The following DLEU7 variants were observed in gnomAD, a reference collection of about 807,000 sequenced individuals.
DLEU7 encodes the protein deleted in lymphocytic leukemia 7, also known as leukemia-associated protein 7.
DLEU7 carries 17 observed loss-of-function variants against 16.0 expected under a neutral mutation model. The ratio of observed to expected loss-of-function variants is 1.06; its 90% CI spans 0.73 to 1.59. The LOEUF is 1.59. Among genes scored for constraint, DLEU7 ranks in the 40% most tolerant of loss-of-function variants. DLEU7 has a pLI of 0.00. For missense variants in DLEU7, 308 were observed against 314.9 expected (o/e 0.98, Z 0.17); for synonymous variants, 113 against 139.8 (o/e 0.81, Z 1.35).
intron 1 of DLEU7, among the ~76,000 whole-genome samples, chr13:50,815,737 TACA>T (rs1414490499): frequency 6.6e-6 from 1 of 152,148 alleles, no homozygotes; most frequent in Non-Finnish European, 1.5e-5. Flanking sequence ...GATTTAATGG[TACA>T]ACATTTTCCC....
At chr13:50,766,062 C>G (rs529916835) in intron 1 of DLEU7, among the ~76,000 whole-genome samples, 1 of 152,298 alleles carries the variant, frequency 6.6e-6, no homozygotes, top group South Asian at 2.1e-4. Flanking sequence ...ATGCGTGTAG[C>G]TTTGCCTCAG....
intron 1 of DLEU7, among the ~76,000 whole-genome samples, chr13:50,742,798 G>A (rs1874287082): frequency 6.6e-6 from 1 of 152,178 alleles, no homozygotes. Context: ...AGCAGCCAGA[G>A]ACAGTACATC....
rs567989215 is a variant in DLEU7, at chr13:50,732,714, CTTT to C, written c.460-19477_460-19475del. 2.9e-4 allele frequency among the ~76,000 whole-genome samples: 43 copies of C among 150,354 alleles called. 2 individuals carry two copies. In the South Asian group the frequency reaches 7.4e-3, roughly 26 times the overall value. The stretch of plus-strand genomic sequence containing the variant: ...AAAATGATCACACTATGTTAAATTT[CTTT>C]GAGTCCTTTTTTTAAAATTCAAAAT... On this transcript the variant is annotated intron_variant, in intron 1 of 1. Transcript: ENST00000400393.
At chr13:50,802,247 GA>G (rs1475349673) in intron 1 of DLEU7, among the ~76,000 whole-genome samples, 2 of 148,996 alleles carry the variant, frequency 1.3e-5, no homozygotes, top group Admixed American at 6.7e-5. Flanking sequence ...GATTTCAATA[GA>G]AACCCAACTG....
downstream of DLEU7, among the ~76,000 whole-genome samples, chr13:50,821,695 A>G (rs1301487709): frequency 6.6e-6 from 1 of 151,538 alleles, no homozygotes; most frequent in East Asian, 1.9e-4. Flanking sequence ...AAGCACAGAC[A>G]GAAAATAAAA....
At chr13:50,775,798 G>A (rs565148117) in intron 1 of DLEU7, among the ~76,000 whole-genome samples, 35 of 152,304 alleles carry the variant, frequency 2.3e-4, no homozygotes, top group Non-Finnish European at 4.6e-4. Context: ...GTTTACAATA[G>A]CTATTGGCAG....
intron 1 of DLEU7, among the ~76,000 whole-genome samples, chr13:50,756,984 C>G (rs1874781284): frequency 6.6e-6 from 1 of 152,182 alleles, no homozygotes; most frequent in Non-Finnish European, 1.5e-5. Context: ...ATTAAGCCTT[C>G]TTTTATTTAC....
intron 1 of DLEU7, among the ~76,000 whole-genome samples, chr13:50,713,727 T>C (rs979467044): frequency 1.3e-5 from 2 of 152,190 alleles, no homozygotes; most frequent in Non-Finnish European, 2.9e-5. Context: ...ATTCAGTTAA[T>C]AGGTACTGAT....
At chr13:50,808,998 G>A (rs964312594) in intron 1 of DLEU7, among the ~76,000 whole-genome samples, 1 of 152,006 alleles carries the variant, frequency 6.6e-6, no homozygotes, top group Non-Finnish European at 1.5e-5. Context: ...AAATCATTGC[G>A]TTGAGGACAT....
At chr13:50,757,624 G>A (rs2169445) in intron 1 of DLEU7, among the ~76,000 whole-genome samples, 5,042 of 152,210 alleles carry the variant, frequency 0.033, 172 homozygotes, top group African/African-American at 0.09. Flanking sequence ...TACTGCAATC[G>A]ATTTCTATTT....
At chr13:50,835,583 C>G (rs963137008) in intron 1 of DLEU7, among the ~76,000 whole-genome samples, 2 of 152,190 alleles carry the variant, frequency 1.3e-5, no homozygotes, top group Admixed American at 6.5e-5. Flanking sequence ...GAGAGCTTGG[C>G]TATTTGAAAG....
At chr13:50,812,352 C>T (rs1028986646) in intron 1 of DLEU7, among the ~76,000 whole-genome samples, 3 of 152,114 alleles carry the variant, frequency 2.0e-5, no homozygotes, top group Non-Finnish European at 4.4e-5. Context: ...AGACCTCCGG[C>T]GAAGATGCAT....
chr13:50,791,424 C>CCA (rs998237365), intron 1 of DLEU7, among the ~76,000 whole-genome samples: 11 of 152,162 alleles, frequency 7.2e-5, no homozygotes, highest in African/African-American at 2.7e-4. Context: ...GTGAGAAAAG[C>CCA]CACCTTGGTG....
At chr13:50,718,936 G>C (rs190748865) in intron 1 of DLEU7, among the ~76,000 whole-genome samples, 1 of 152,164 alleles carries the variant, frequency 6.6e-6, no homozygotes, top group Non-Finnish European at 1.5e-5. Context: ...TATAAAATAG[G>C]AAGGGTTTTC....
intron 1 of DLEU7, among the ~76,000 whole-genome samples, chr13:50,796,932 C>T (rs1186838164): frequency 5.3e-5 from 8 of 152,062 alleles, no homozygotes; most frequent in Non-Finnish European, 1.2e-4. Flanking sequence ...TGTGTTAAGC[C>T]ACTACAAATG....
chr13:50,721,350 A>G (rs952493962), intron 1 of DLEU7, among the ~76,000 whole-genome samples: 2 of 152,170 alleles, frequency 1.3e-5, no homozygotes, highest in Admixed American at 6.5e-5. Flanking sequence ...CAGCTTGCAG[A>G]CAGCCTATCA....
At chr13:50,820,207 T>G (rs1876854831), downstream of DLEU7, among the ~76,000 whole-genome samples, 1 of 152,042 alleles carries the variant, frequency 6.6e-6, no homozygotes, top group African/African-American at 2.4e-5. Flanking sequence ...CACAAATCCA[T>G]TTGGAGTGGA....
At chr13:50,814,761 AGTGTGTGTGTGT>A (rs10670911) in intron 1 of DLEU7, among the ~76,000 whole-genome samples, 39 of 138,658 alleles carry the variant, frequency 2.8e-4, no homozygotes, top group African/African-American at 9.7e-4. Flanking sequence ...TATTCATGTG[AGTGTGTGTGTGT>A]GTGTGTGTGT....
chr13:50,785,031 T>C (rs1274125279), intron 1 of DLEU7, among the ~76,000 whole-genome samples: 1 of 152,176 alleles, frequency 6.6e-6, no homozygotes, highest in Non-Finnish European at 1.5e-5. Flanking sequence ...GCTTACGTCA[T>C]GCCCTATGGA....
Sources: allele counts gnomAD v4.1 joint callset (sites outside exome capture counted in the v4.1 genomes callset), GRCh38; gene constraint gnomAD v4.1.1; transcripts MANE v1.5; gene names NCBI Gene and HGNC (gene_info 2026-07-23, HGNC 2026-07-21).